The following TRAPPC4 variants were observed in gnomAD, a reference collection of about 807,000 sequenced individuals.
TRAPPC4 encodes the protein trafficking protein particle complex subunit 4.
Under a neutral mutation model 23.5 loss-of-function variants are expected in TRAPPC4, and 30 were observed. That is an observed-to-expected ratio of 1.28 (90% CI 0.96 to 1.73). TRAPPC4 has a LOEUF of 1.73. Ranked by LOEUF, TRAPPC4 falls within the 40% of genes most tolerant of loss-of-function variation. TRAPPC4 has a pLI of 0.00. For synonymous variants in TRAPPC4, 129 were observed against 105.3 expected, an observed-to-expected ratio of 1.23 and a Z score of -1.38; for missense variants, 252 against 268.9, an observed-to-expected ratio of 0.94 and a Z score of 0.44.
chr11:119,020,179 C>T lies in TRAPPC4; in HGVS notation c.380C>T (p.Pro127Leu), dbSNP rs781979087. Residue 127 changes from proline to leucine, a missense_variant, in exon 3 of 5, where the codon CCT becomes CTT. Pro to Leu is a moderately conservative substitution (Grantham distance 98). This residue lies in a region of TRAPPC4 where 222 missense variants were observed against 217.8 expected (regional missense o/e 1.02). Transcript: ENST00000533632. ...TTTGCCATCGGCTCCCAGCTGTCTC[C>T]TGAACAGGGAAGCTCAGGCATTGAG... The part of the protein sequence containing the change: ...SLFAIGSQLS[P>L]EQGSSGIEML... The T allele has an allele frequency of 1.2e-6, 2 of 1,613,854 alleles. No individual in the cohort carries two copies. Among genetic ancestry groups the T allele is most frequent in the African/African-American group, 1.3e-5 (1 of 74,920 alleles).
chr11:119,022,306 A>G (rs1489126763), intron 4 of TRAPPC4, among the ~76,000 whole-genome samples: 2 of 152,146 alleles, frequency 1.3e-5, no homozygotes, highest in South Asian at 2.1e-4. Flanking sequence ...TAAGTAAGAC[A>G]CAAGGAAAGG....
At chr11:119,021,705 G>T in intron 3 of TRAPPC4, 55 bp from the exon 4 acceptor site, 1 of 1,598,448 alleles carries the variant, frequency 6.3e-7, no homozygotes, top group South Asian at 1.1e-5. Context: ...AATACAGGAT[G>T]ACACTATTTG....
At position 119,019,226 on chromosome 11, in the gene TRAPPC4, G is replaced by C. The variant is rs1943262484; in HGVS notation, c.259G>C (p.Gly87Arg). The C allele has an allele frequency of 1.2e-6, 2 of 1,614,080 alleles. No individual in the cohort carries two copies. The highest frequency in any genetic ancestry group is 1.7e-6 in the Non-Finnish European group (2 of 1,180,036). The change falls in exon 2 of 5, where the codon GGT becomes CGT. Residue 87 changes from glycine to arginine, a missense_variant. Transcript: ENST00000533632. The stretch of plus-strand genomic sequence containing the variant: ...CGGGAAAGAGGTGCTGGAGTATCTG[G>C]GTAACCCTGCTAATTACCCGGTGTC... ...ADGKEVLEYLGNPANYPVSIR... is the reference protein window; with the variant it reads ...ADGKEVLEYLRNPANYPVSIR...
At position 119,023,301 on chromosome 11, in the gene TRAPPC4, T is replaced by G. The variant is rs1943446525; in HGVS notation, c.582-20T>G. On this transcript the variant is annotated intron_variant, in intron 4 of 4. Coordinates refer to ENST00000533632, the MANE Select transcript of TRAPPC4 (RefSeq NM_016146.6). Reference sequence around the variant, plus strand: ...GCCTCAGGCCTCACACTTTTTTTCCTCACCCTGGGCCCGGCTTAGGTGTGA... The same window carrying G: ...GCCTCAGGCCTCACACTTTTTTTCCGCACCCTGGGCCCGGCTTAGGTGTGA... 1 of 1,613,702 alleles carries G rather than the reference T, an allele frequency of 6.2e-7. No homozygotes were observed. Among genetic ancestry groups the G allele is most frequent in the East Asian group, 2.2e-5 (1 of 44,884 alleles).
In TRAPPC4 at chr11:119,023,658, G is replaced by T. The variant is rs560969552; in HGVS notation, c.*259G>T. 4.4e-5 allele frequency: 14 copies of T among 320,274 alleles called. No homozygotes were observed. The highest frequency in any genetic ancestry group is 8.1e-5 in the Non-Finnish European group (14 of 173,238). The allele number at this position is 320,274 out of a possible 1,614,324, so 19.8% of individuals were successfully genotyped here. On this transcript the variant is annotated 3_prime_UTR_variant, in exon 5 of 5. Transcript: ENST00000533632. The stretch of plus-strand genomic sequence containing the variant: ...TAAATGTTGTAATAAATATTCCTTT[G>T]ATCTTGGTGTTTGCAATCTGTCTTA...
chr11:119,023,232 A>T, intron 4 of TRAPPC4, 89 bp from the exon 5 acceptor site: 1 of 1,259,568 alleles, frequency 7.9e-7, no homozygotes, highest in Non-Finnish European at 1.2e-6. Context: ...TCCATGATAT[A>T]TGTTGTTCTT....
Position 119,019,313 on chromosome 11 carries a change from C to T in TRAPPC4, c.346C>T (p.His116Tyr), listed in dbSNP as rs782206879. ...NEKLMLASMF[H>Y]SLFAIGSQLS... Reference sequence around the variant, plus strand: ...GAAGCTTATGCTGGCCTCCATGTTCCACTCGTAAGTCCCCCGTCTCCTGAA... The same window carrying T: ...GAAGCTTATGCTGGCCTCCATGTTCTACTCGTAAGTCCCCCGTCTCCTGAA... The change falls in exon 2 of 5, where the codon CAC (histidine) becomes TAC (tyrosine). Residue 116 changes from histidine (H) to tyrosine (Y), a missense_variant. His to Tyr is a moderately conservative substitution (Grantham distance 83). Coordinates refer to ENST00000533632, the MANE Select transcript of TRAPPC4 (RefSeq NM_016146.6). 1 of 1,612,540 alleles carries T rather than the reference C, an allele frequency of 6.2e-7. No homozygotes were observed. The highest frequency in any genetic ancestry group is 2.2e-5 in the East Asian group (1 of 44,822).
chr11:119,023,219 C>A, intron 4 of TRAPPC4, 102 bp from the exon 5 acceptor site: 1 of 1,117,638 alleles, frequency 8.9e-7, no homozygotes, highest in Non-Finnish European at 1.4e-6. Flanking sequence ...CCCACCTCAG[C>A]CTTCCATGAT....
rs145707602 is a variant in TRAPPC4 at position 119,021,505 on chromosome 11, A to C, written c.455-255A>C. 6.1e-3 allele frequency: 2,040 copies of C among 332,386 alleles called. 18 individuals carry two copies. Among genetic ancestry groups the C allele is most frequent in the Middle Eastern group, 0.015 (17 of 1,120 alleles). The allele number at this position is 332,386 out of a possible 1,614,324, so 20.6% of individuals were successfully genotyped here. A position where few individuals can be genotyped will look rare whatever the true frequency, so the allele number is the denominator to read the frequency against. On this transcript the variant is annotated intron_variant, in intron 3 of 4. Coordinates refer to ENST00000533632, the MANE Select transcript of TRAPPC4 (RefSeq NM_016146.6). ...CAATGTTTCTGCTGAGGGACTCCAA[A>C]ACTGTTAGTAAGTGGCAGAGCTAGA...
chr11:119,022,954 G>GTTTTT (rs1565683127), intron 4 of TRAPPC4: 1 of 34,762 alleles, frequency 2.9e-5, no homozygotes, highest in African/African-American at 9.8e-5. Context: ...TTTTTTTGTT[G>GTTTTT]ATGTTTTTTT....
chr11:119,019,963 G>C, intron 2 of TRAPPC4, 187 bp from the exon 3 acceptor site: 1 of 523,772 alleles, frequency 1.9e-6, no homozygotes, highest in Non-Finnish European at 3.4e-6. Flanking sequence ...TTGTAACAAA[G>C]TATGAATGTA....
chr11:119,020,120 T>G, intron 2 of TRAPPC4, 30 bp from the exon 3 acceptor site: 2 of 1,568,918 alleles, frequency 1.3e-6, no homozygotes, highest in Non-Finnish European at 1.8e-6. Context: ...CACTCCTTCC[T>G]TAGAGCAACT....
At chr11:119,022,525 C>A (rs925180034) in intron 4 of TRAPPC4, among the ~76,000 whole-genome samples, 1 of 152,078 alleles carries the variant, frequency 6.6e-6, no homozygotes, top group Non-Finnish European at 1.5e-5. Flanking sequence ...AAGGTCAAGG[C>A]AGCAGTGAAC....
intron 3 of TRAPPC4, chr11:119,021,436 C>T (rs930306086): frequency 3.0e-5 from 7 of 235,472 alleles, no homozygotes; most frequent in Admixed American, 1.0e-4. Context: ...ATTGCTTCAC[C>T]CTCTTCATTT....
chr11:119,019,418 AT>A, intron 2 of TRAPPC4, 101 bp downstream of exon 2: 1 of 1,292,710 alleles, frequency 7.7e-7, no homozygotes, highest in Non-Finnish European at 1.1e-6. Context: ...CCAGATCTAG[AT>A]TTTAGGTAAT....
rs782011703 is a variant in TRAPPC4, at chr11:119,021,752, C to T, written c.455-8C>T. The T allele has an allele frequency of 6.2e-6, 10 of 1,613,834 alleles. No homozygotes were observed. Among genetic ancestry groups the T allele is most frequent in the Non-Finnish European group, 8.5e-6 (10 of 1,179,912 alleles). On this transcript the variant is annotated splice_polypyrimidine_tract_variant and splice_region_variant and intron_variant, in intron 3 of 4. Coordinates refer to ENST00000533632, the MANE Select transcript of TRAPPC4 (RefSeq NM_016146.6). ...ACGCTTTGGTAACCATTCTTGGTCT[C>T]TCTCCAGGGATCAAGTTTGTGGTTC...
At position 119,023,725 on chromosome 11, in the gene TRAPPC4, A is replaced by G. The variant is rs139846255; in HGVS notation, c.*326A>G. On this transcript the variant is annotated 3_prime_UTR_variant, in exon 5 of 5. Transcript: ENST00000533632. ...GAAAGATACAGGAAGTGAGTCAAAA[A>G]TGGTTAGGGAATTCTGGGAAGATGA... The G allele has an allele frequency of 1.2e-3, 234 of 192,598 alleles. No homozygotes were observed. Among genetic ancestry groups the G allele is most frequent in the African/African-American group, 5.0e-3 (217 of 43,246 alleles). The allele number at this position is 192,598 out of a possible 1,614,324, so 11.9% of individuals were successfully genotyped here.
chr11:119,019,544 C>G, intron 2 of TRAPPC4: 1 of 505,388 alleles, frequency 2.0e-6, no homozygotes, highest in Non-Finnish European at 3.5e-6. Flanking sequence ...CAGGTTCAAG[C>G]GATTCTCCTG....
rs1301699024 is a variant in TRAPPC4, at chr11:119,019,234, T to G, written c.267T>G (p.Pro89=). Reference sequence around the variant, plus strand: ...AGGTGCTGGAGTATCTGGGTAACCCTGCTAATTACCCGGTGTCCATTCGAT... The same window carrying G: ...AGGTGCTGGAGTATCTGGGTAACCCGGCTAATTACCCGGTGTCCATTCGAT... The part of the protein sequence containing the change: ...GKEVLEYLGN[P]ANYPVSIRFG... The change falls in exon 2 of 5, where the codon CCT becomes CCG. Residue 89 remains proline (P), a synonymous_variant. Coordinates refer to ENST00000533632, the MANE Select transcript of TRAPPC4 (RefSeq NM_016146.6). The G allele has an allele frequency of 6.2e-7, 1 of 1,614,112 alleles. No individual in the cohort carries two copies. The highest frequency in any genetic ancestry group is 8.5e-7 in the Non-Finnish European group (1 of 1,179,946).
Sources: gnomAD v4.1 joint callset for allele counts (sites outside exome capture counted in the v4.1 genomes callset) on GRCh38, gnomAD v4.1.1 for gene constraint, gnomAD v4.1.1 regional missense constraint, MANE v1.5 for transcripts, NCBI Gene and HGNC (gene_info 2026-07-23, HGNC 2026-07-21) for gene names.